The following IMMP2L variants were observed in gnomAD, a reference collection of about 807,000 sequenced individuals.
IMMP2L encodes the protein mitochondrial inner membrane protease subunit 2.
IMMP2L carries 18 observed loss-of-function variants against 19.3 expected under a neutral mutation model. The observed-to-expected ratio is 0.93, with a 90% CI of 0.64 to 1.38. The LOEUF (loss-of-function observed/expected upper bound fraction) is 1.38. IMMP2L is among the 40% of genes most tolerant of loss of function. IMMP2L has a pLI of 0.00. For synonymous variants in IMMP2L, 76 were observed against 73.0 expected, an observed-to-expected ratio of 1.04 and a Z score of -0.21; for missense variants, 233 against 218.2, an observed-to-expected ratio of 1.07 and a Z score of -0.43.
At chr7:111,543,691 A>G (rs558770645) in intron 1 of IMMP2L, among the ~76,000 whole-genome samples, 53 of 152,292 alleles carry the variant, frequency 3.5e-4, no homozygotes, top group African/African-American at 1.2e-3. Context: ...AAGATATGTA[A>G]ATCAACACTA....
At chr7:110,824,881 TA>T (rs1236001138) in intron 5 of IMMP2L, among the ~76,000 whole-genome samples, 3 of 152,022 alleles carry the variant, frequency 2.0e-5, no homozygotes, top group Non-Finnish European at 4.4e-5. Context: ...TGACATTTAA[TA>T]AAAGAGGAAG....
At chr7:111,124,763 ATTAC>A in intron 3 of IMMP2L, 1 of 1,613,926 alleles carries the variant, frequency 6.2e-7, no homozygotes, top group Non-Finnish European at 8.5e-7. Flanking sequence ...TATGTGAGGA[ATTAC>A]TTACAGAAAC....
intron 3 of IMMP2L, among the ~76,000 whole-genome samples, chr7:111,191,333 T>TA (rs933816428): frequency 2.6e-5 from 4 of 151,942 alleles, no homozygotes; most frequent in African/African-American, 9.7e-5. Context: ...TTAAAGCATG[T>TA]AAAATCTGTT....
intron 4 of IMMP2L, among the ~76,000 whole-genome samples, chr7:110,946,870 G>A (rs531387177): frequency 6.6e-5 from 10 of 151,806 alleles, no homozygotes; most frequent in South Asian, 2.1e-4. Context: ...ACAGGCGCCC[G>A]CCACCACACC....
Position 111,074,479 on chromosome 7 carries a change from G to A in IMMP2L, c.240-110914C>T, listed in dbSNP as rs1795223193. Among the ~76,000 whole-genome samples the A allele has an allele frequency of 1.3e-5, 2 of 152,144 alleles. 1 individual carries two copies. Among genetic ancestry groups the A allele is most frequent in the Admixed American group, 1.3e-4 (2 of 15,280 alleles). On this transcript the variant is annotated intron_variant, in intron 3 of 5. Transcript: ENST00000405709. Reference sequence around the variant, plus strand: ...AATCTTGGTCCTATGTAAAATACATGGGCACATGATGCATATCTTTAGTCT... The same window carrying A: ...AATCTTGGTCCTATGTAAAATACATAGGCACATGATGCATATCTTTAGTCT...
At chr7:111,296,732 T>C (rs1279113185) in intron 3 of IMMP2L, among the ~76,000 whole-genome samples, 2 of 152,012 alleles carry the variant, frequency 1.3e-5, no homozygotes, top group Non-Finnish European at 2.9e-5. Context: ...AGCATGCCCA[T>C]AGATATTCAT....
At chr7:111,077,488 T>C (rs1486499407) in intron 3 of IMMP2L, among the ~76,000 whole-genome samples, 2 of 152,208 alleles carry the variant, frequency 1.3e-5, no homozygotes, top group South Asian at 4.1e-4. Flanking sequence ...ATATCCCTTA[T>C]ACACAATCCA....
At chr7:111,039,080 A>T (rs1303502973) in intron 3 of IMMP2L, among the ~76,000 whole-genome samples, 1 of 152,298 alleles carries the variant, frequency 6.6e-6, no homozygotes, top group Admixed American at 6.5e-5. Context: ...TGATAAGCAC[A>T]ATGTATAGAA....
At chr7:111,504,752 G>C (rs1844694560) in intron 2 of IMMP2L, among the ~76,000 whole-genome samples, 1 of 152,160 alleles carries the variant, frequency 6.6e-6, no homozygotes, top group Non-Finnish European at 1.5e-5. Flanking sequence ...ATGGTGCTGG[G>C]AAAACTGGCT....
chr7:111,537,646 C>A (rs1848015766), intron 1 of IMMP2L, among the ~76,000 whole-genome samples: 1 of 151,358 alleles, frequency 6.6e-6, no homozygotes, highest in Non-Finnish European at 1.5e-5. Context: ...AGCAATCCTC[C>A]CACTTCAGCC....
rs369296996 is a variant in IMMP2L at position 111,152,785 on chromosome 7, T to C, written c.240-189220A>G. 1.8e-3 allele frequency among the ~76,000 whole-genome samples: 272 copies of C among 152,268 alleles called. 3 individuals carry two copies. The highest frequency in any genetic ancestry group is 6.1e-3 in the African/African-American group (255 of 41,568). On this transcript the variant is annotated intron_variant, in intron 3 of 5. Transcript: ENST00000405709. Reference sequence around the variant, plus strand: ...GTCTATTTACTTTCTTCTAATCCCATCTTCTCACTTTCTCTTTTTAAATTA... The same window carrying C: ...GTCTATTTACTTTCTTCTAATCCCACCTTCTCACTTTCTCTTTTTAAATTA...
At chr7:110,942,068 A>G (rs10266814) in intron 4 of IMMP2L, among the ~76,000 whole-genome samples, 43 of 151,994 alleles carry the variant, frequency 2.8e-4, no homozygotes, top group African/African-American at 1.0e-3. Flanking sequence ...GTAATAAAAC[A>G]ATTTGTTAAT....
intron 3 of IMMP2L, among the ~76,000 whole-genome samples, chr7:111,191,755 T>G (rs539889099): frequency 6.6e-6 from 1 of 152,146 alleles, no homozygotes; most frequent in African/African-American, 2.4e-5. Flanking sequence ...CAAGAAAACA[T>G]TTTTTTAAAG....
At chr7:110,963,607 G>A (rs1458212423) in intron 3 of IMMP2L, 42 bp from the exon 4 acceptor site, 3 of 1,246,016 alleles carry the variant, frequency 2.4e-6, no homozygotes, top group African/African-American at 1.5e-5. Context: ...TTATGTCTAT[G>A]TTGTTTTAGG....
At chr7:111,238,517 T>G (rs753745801) in intron 3 of IMMP2L, among the ~76,000 whole-genome samples, 1 of 151,984 alleles carries the variant, frequency 6.6e-6, no homozygotes, top group Non-Finnish European at 1.5e-5. Flanking sequence ...TACAAGGTTA[T>G]AGAGATGGAT....
chr7:110,810,221 T>G (rs1801938935), intron 5 of IMMP2L, among the ~76,000 whole-genome samples: 1 of 152,096 alleles, frequency 6.6e-6, no homozygotes, highest in Non-Finnish European at 1.5e-5. Context: ...TTTAATTCAT[T>G]TATCAATATT....
chr7:110,776,287 C>T (rs1799381908), intron 5 of IMMP2L, among the ~76,000 whole-genome samples: 1 of 151,910 alleles, frequency 6.6e-6, no homozygotes, highest in Non-Finnish European at 1.5e-5. Flanking sequence ...AGTTAATTCG[C>T]GTAAGTAATG....
intron 3 of IMMP2L, among the ~76,000 whole-genome samples, chr7:111,322,357 C>T (rs1054802413): frequency 6.6e-6 from 1 of 151,830 alleles, no homozygotes; most frequent in Non-Finnish European, 1.5e-5. Flanking sequence ...TTTTAGTTCA[C>T]ATCATATAGA....
intron 3 of IMMP2L, among the ~76,000 whole-genome samples, chr7:111,176,167 G>A (rs1769863300): frequency 6.6e-6 from 1 of 151,956 alleles, no homozygotes; most frequent in South Asian, 2.1e-4. Context: ...CACTGCTGGT[G>A]GGAATGTAAA....
Sources: allele counts gnomAD v4.1 joint callset (sites outside exome capture counted in the v4.1 genomes callset), GRCh38; gene constraint gnomAD v4.1.1; transcripts MANE v1.5; gene names NCBI Gene and HGNC (gene_info 2026-07-23, HGNC 2026-07-21).